The following WDR20 variants were observed in gnomAD, a reference collection of about 807,000 sequenced individuals.
The protein encoded by WDR20 is WD repeat-containing protein 20.
In WDR20, 3 loss-of-function variants were observed where a neutral mutation model predicts 38.7. The observed-to-expected ratio is 0.08, with a 90% CI of 0.04 to 0.20. The LOEUF is 0.20. Among genes scored for constraint, WDR20 ranks in the 10% least tolerant of loss-of-function variants. The probability of loss-of-function intolerance (pLI) is 1.00; values close to 1 mark genes in which losing one functional copy is unlikely to be tolerated. For synonymous variants in WDR20, 298 were observed against 285.6 expected (o/e 1.04, Z -0.44); for missense variants, 559 against 727.7 (o/e 0.77, Z 2.67).
intron 1 of WDR20, among the ~76,000 whole-genome samples, chr14:102,143,107 C>T (rs575005684): frequency 2.0e-5 from 3 of 152,004 alleles, no homozygotes; most frequent in African/African-American, 4.8e-5. Context: ...CTCCTCAGAG[C>T]GAACCAAGGC....
Position 102,209,186 on chromosome 14 carries a change from A to G in WDR20, c.1016A>G (p.His339Arg). The G allele has an allele frequency of 2.5e-6, 4 of 1,614,170 alleles. No individual in the cohort carries two copies. The highest frequency in any genetic ancestry group is 3.4e-6 in the Non-Finnish European group (4 of 1,180,030). The change falls in exon 3 of 3, where the codon CAT becomes CGT. Residue 339 changes from histidine (H) to arginine (R), a missense_variant. His to Arg is a conservative substitution (Grantham distance 29, BLOSUM62 0). Transcript: ENST00000342702. This position sits in a 1 kb window ranked among gnomAD's most constrained non-coding sequence, Gnocchi z 6.0. ...GSDEDFQDLL[H>R]FGRDRANSTQ... ...GATGAGGACTTCCAAGACCTTCTTC[A>G]TTTTGGCAGAGATCGAGCAAATAGT...
At chr14:102,162,147 A>C (rs1472539521) in intron 1 of WDR20, among the ~76,000 whole-genome samples, 1 of 152,216 alleles carries the variant, frequency 6.6e-6, no homozygotes, top group African/African-American at 2.4e-5. Flanking sequence ...GAGGTCTTGC[A>C]CTGGTCTAGG....
intron 2 of WDR20, among the ~76,000 whole-genome samples, chr14:102,203,831 T>A (rs2060986481): frequency 6.6e-6 from 1 of 152,194 alleles, no homozygotes; most frequent in Non-Finnish European, 1.5e-5. Flanking sequence ...TTTTTTTTTT[T>A]AACTAGACTT....
At chr14:102,175,459 A>C (rs529589646) in intron 1 of WDR20, among the ~76,000 whole-genome samples, 1 of 152,300 alleles carries the variant, frequency 6.6e-6, no homozygotes, top group South Asian at 2.1e-4. Context: ...ATAGCCATAT[A>C]GTATAGTGTG....
intron 2 of WDR20, among the ~76,000 whole-genome samples, chr14:102,204,809 T>A (rs1039478990): frequency 2.0e-5 from 3 of 152,256 alleles, no homozygotes; most frequent in African/African-American, 7.2e-5. Context: ...AAAGTGCGTG[T>A]GTGCAAGGGC....
At chr14:102,164,601 G>T (rs975078116) in intron 1 of WDR20, among the ~76,000 whole-genome samples, 16 of 152,144 alleles carry the variant, frequency 1.1e-4, no homozygotes, top group Non-Finnish European at 1.8e-4. Flanking sequence ...ATTGGACACC[G>T]CTTGGCCCAC....
At chr14:102,206,918 T>G (rs74082257) in intron 2 of WDR20, among the ~76,000 whole-genome samples, 3,649 of 152,276 alleles carry the variant, frequency 0.024, 114 homozygotes, top group African/African-American at 0.066. Flanking sequence ...ATGTAAATTA[T>G]CTCTGTAACC....
chr14:102,170,369 A>G (rs1013454582), intron 1 of WDR20, among the ~76,000 whole-genome samples: 10 of 152,184 alleles, frequency 6.6e-5, no homozygotes, highest in African/African-American at 2.4e-4. Context: ...CTGGGTGAAA[A>G]GGATATGTGC....
At chr14:102,183,675 G>A (rs1566951667) in intron 1 of WDR20, among the ~76,000 whole-genome samples, 3 of 152,218 alleles carry the variant, frequency 2.0e-5, no homozygotes, top group Admixed American at 6.5e-5. Flanking sequence ...GGAAATGGAA[G>A]TTTGTAGGCC....
chr14:102,178,719 C>T (rs934970377), intron 1 of WDR20, among the ~76,000 whole-genome samples: 1 of 151,758 alleles, frequency 6.6e-6, no homozygotes, highest in East Asian at 1.9e-4. Flanking sequence ...TCACAGCGAA[C>T]GAAAACTCAG....
rs1188809416 is a variant in WDR20, at chr14:102,221,116, T to C, written c.1693-1714T>C. Among the ~76,000 whole-genome samples the C allele has an allele frequency of 6.6e-6, 1 of 152,212 alleles. No homozygotes were observed. The highest frequency in any genetic ancestry group is 1.5e-5 in the Non-Finnish European group (1 of 68,036). On this transcript the variant is annotated intron_variant, in intron 3 of 3. Transcript: ENST00000335263. The surrounding 1 kb of genome is among the most constrained non-coding windows in gnomAD (Gnocchi z 4.8). Reference sequence around the variant, plus strand: ...AGGACTGGTAGAGACACCACCTTCCTGTGGGTGGGGCTGCCTCCTACCTGG... The same window carrying C: ...AGGACTGGTAGAGACACCACCTTCCCGTGGGTGGGGCTGCCTCCTACCTGG...
At position 102,220,505 on chromosome 14, in the gene WDR20, C is replaced by T. The variant is rs755663992; in HGVS notation, c.1693-2325C>T. On this transcript the variant is annotated intron_variant, in intron 3 of 3. Coordinates refer to the WDR20 transcript ENST00000335263. The surrounding 1 kb of genome is among the most constrained non-coding windows in gnomAD (Gnocchi z 4.2). ...TTGGGAGGCCAAGGCAGGTGGATCA[C>T]GAGGTCAGGAGGTCTTCAAGACCAT... Among the ~76,000 whole-genome samples the T allele has an allele frequency of 7.9e-5, 12 of 152,264 alleles. No individual in the cohort carries two copies. In the East Asian group the frequency reaches 1.2e-3, roughly 15 times the overall value.
chr14:102,196,023 A>G (rs960892778), intron 2 of WDR20: 1 of 152,248 alleles, frequency 6.6e-6, no homozygotes, highest in East Asian at 1.9e-4. Flanking sequence ...TGGTTTTAAC[A>G]TCATTAACTT....
At chr14:102,139,854 C>A, upstream of WDR20, 2 of 1,573,826 alleles carry the variant, frequency 1.3e-6, no homozygotes, top group Non-Finnish European at 8.7e-7. Context: ...GAAGAGGGAG[C>A]ACCAGGAACA....
intron 1 of WDR20, chr14:102,191,132 C>T (rs369899887): frequency 8.5e-5 from 13 of 152,228 alleles, no homozygotes; most frequent in African/African-American, 2.9e-4. Context: ...CAGCCTTCAC[C>T]ATTGCCTTGC....
At chr14:102,201,323 C>A (rs1028618025) in intron 2 of WDR20, among the ~76,000 whole-genome samples, 1 of 152,050 alleles carries the variant, frequency 6.6e-6, no homozygotes. Context: ...CAGATCCACT[C>A]ACCCCCAAAC....
chr14:102,182,519 A>G (rs1334278696), intron 1 of WDR20, among the ~76,000 whole-genome samples: 1 of 150,402 alleles, frequency 6.6e-6, no homozygotes, highest in African/African-American at 2.4e-5. Flanking sequence ...TGTTGATGAT[A>G]TATCATTCCC....
chr14:102,176,550 C>T lies in WDR20; in HGVS notation c.250-18388C>T, dbSNP rs534602088. Among the ~76,000 whole-genome samples, 21 of 152,200 alleles carry T rather than the reference C, an allele frequency of 1.4e-4. No individual in the cohort carries two copies. The South Asian group carries it at 3.3e-3, about 24-fold the overall frequency. ...CGTCTCTACTAAAAACGCAAAAATT[C>T]GTGCCCGGCTGAGGATTTTTACATC... On this transcript the variant is annotated intron_variant, in intron 1 of 2. Transcript: ENST00000342702.
At chr14:102,195,581 A>G (rs550026218) in intron 2 of WDR20, among the ~76,000 whole-genome samples, 15 of 152,356 alleles carry the variant, frequency 9.8e-5, no homozygotes, top group African/African-American at 3.6e-4. Context: ...TTGCTCTTGA[A>G]AATAGTTACT....
Sources: gnomAD v4.1 joint callset for allele counts (sites outside exome capture counted in the v4.1 genomes callset) on GRCh38, gnomAD v4.1.1 for gene constraint, Gnocchi (gnomAD v3.1) non-coding constraint, MANE v1.5 for transcripts, NCBI Gene and HGNC (gene_info 2026-07-23, HGNC 2026-07-21) for gene names.